Variants in CCNQ observed in about 807,000 individuals in gnomAD.
The protein encoded by CCNQ is cyclin-Q.
CCNQ carries 3 observed loss-of-function variants against 17.7 expected under a neutral mutation model. The observed-to-expected ratio is 0.17, with a 90% confidence interval of 0.08 to 0.44. The LOEUF (loss-of-function observed/expected upper bound fraction) is 0.44, where lower values mean the gene tolerates loss of function less well. CCNQ is among the 20% of genes least tolerant of loss of function. The pLI, the probability that CCNQ is intolerant of heterozygous loss-of-function variation, is 0.99. For missense variants in CCNQ, 146 were observed against 222.6 expected, an observed-to-expected ratio of 0.66 and a Z score of 2.19; for synonymous variants, 73 against 96.0, an observed-to-expected ratio of 0.76 and a Z score of 1.40.
intron 4 of CCNQ, among the ~76,000 whole-genome samples, 171 bp downstream of exon 4, chrX:153,592,335 G>A (rs1358211611): frequency 1.8e-5 from 2 of 113,476 alleles, no homozygotes; most frequent in African/African-American, 3.2e-5. Flanking sequence ...CAACTGTGCC[G>A]AGGGGGAGAG....
chrX:153,598,575 A>G (rs1253036446), intron 1 of CCNQ, among the ~76,000 whole-genome samples: 1 of 113,376 alleles, frequency 8.8e-6, no homozygotes, highest in African/African-American at 3.2e-5. Context: ...CCCCGGAGTG[A>G]CAGGAACCCT....
chrX:153,593,876 A>G (rs935659026), intron 3 of CCNQ, among the ~76,000 whole-genome samples: 2 of 111,895 alleles, frequency 1.8e-5, no homozygotes, highest in Admixed American at 9.4e-5. Flanking sequence ...TCTCAGGAAG[A>G]GTTCCGATGA....
chrX:153,599,086 C>G lies in CCNQ; in HGVS notation c.-13G>C. On this transcript the variant is annotated 5_prime_UTR_variant, in exon 1 of 5. Coordinates refer to ENST00000576892, the MANE Select transcript of CCNQ (RefSeq NM_152274.5). ...CCGGGGCTTCCATGAGGCGCCGCGG[C>G]ACCGGCGGAAGGAGAGGCGGCCCCG... 3 of 959,728 alleles carry G rather than the reference C, an allele frequency of 3.1e-6. No individual in the cohort carries two copies. The highest frequency in any genetic ancestry group is 4.0e-6 in the Non-Finnish European group (3 of 750,390). 79.1% of individuals were successfully genotyped at this position (959,728 alleles called of 1,213,427 possible).
chrX:153,589,530 A>C (rs1295592729), intron 4 of CCNQ, among the ~76,000 whole-genome samples: 1 of 112,851 alleles, frequency 8.9e-6, no homozygotes, highest in Non-Finnish European at 1.9e-5. Flanking sequence ...CCGGCACAGC[A>C]CTGAGCCCCA....
chrX:153,591,761 G>T (rs191562630), intron 4 of CCNQ, among the ~76,000 whole-genome samples: 8 of 110,572 alleles, frequency 7.2e-5, no homozygotes, highest in Non-Finnish European at 1.5e-4. Context: ...GAACATGGGT[G>T]CATGGGTTCA....
chrX:153,596,370 C>T (rs2091028650), intron 1 of CCNQ, among the ~76,000 whole-genome samples, 183 bp from the exon 2 acceptor site: 1 of 111,681 alleles, frequency 9.0e-6, no homozygotes, highest in Non-Finnish European at 1.9e-5. Flanking sequence ...AGTGGGTGAC[C>T]CAAGCCCCTG....
At chrX:153,595,278 C>T (rs974914480) in intron 2 of CCNQ, among the ~76,000 whole-genome samples, 15 of 111,634 alleles carry the variant, frequency 1.3e-4, no homozygotes, top group South Asian at 3.8e-4. Context: ...CCACCACGCC[C>T]GGCTAATTTT....
intron 1 of CCNQ, 70 bp downstream of exon 1, chrX:153,598,891 TG>T: frequency 1.2e-6 from 1 of 821,033 alleles, no homozygotes; most frequent in Non-Finnish European, 1.6e-6. Flanking sequence ...AAGGCCGGCC[TG>T]GCCAGCCGGG....
intron 3 of CCNQ, among the ~76,000 whole-genome samples, chrX:153,593,090 G>A (rs1040592584): frequency 2.8e-4 from 31 of 112,361 alleles, no homozygotes; most frequent in African/African-American, 8.4e-4. Flanking sequence ...CTGGTGCTCC[G>A]GAAAGCACCC....
At chrX:153,597,591 C>G (rs2091036830) in intron 1 of CCNQ, 1 of 112,031 alleles carries the variant, frequency 8.9e-6, no homozygotes, top group African/African-American at 3.2e-5. Context: ...CTAGGATGAT[C>G]TCCCATCTTA....
Position 153,588,344 on chromosome X carries a change from G to A in CCNQ, c.*21C>T, listed in dbSNP as rs1409861394. ...AGCCGACCATCCTGGGCTTCTCTTT[G>A]GGCAGGCCTGGGCCAGGACCTTAGG... On this transcript the variant is annotated 3_prime_UTR_variant, in exon 5 of 5. Coordinates refer to ENST00000576892, the MANE Select transcript of CCNQ (RefSeq NM_152274.5). 8.5e-7 allele frequency: 1 copy of A among 1,175,679 alleles called. No homozygotes were observed. Among genetic ancestry groups the A allele is most frequent in the Admixed American group, 2.2e-5 (1 of 45,999 alleles).
chrX:153,593,978 G>A (rs1307878970), intron 3 of CCNQ, among the ~76,000 whole-genome samples: 1 of 113,143 alleles, frequency 8.8e-6, no homozygotes, highest in South Asian at 3.6e-4. Flanking sequence ...GCATGGAGCT[G>A]CGGTGCCCAG....
intron 3 of CCNQ, among the ~76,000 whole-genome samples, chrX:153,593,141 T>C (rs1228632930): frequency 9.8e-5 from 11 of 112,811 alleles, no homozygotes; most frequent in African/African-American, 3.2e-4. Context: ...CCCATGCATC[T>C]GGCCTGCTGC....
rs906665848 is a variant in CCNQ at position 153,588,100 on chromosome X, G to A, written c.*265C>T. ...GTCAAAGTCCTCTCAAAGGACAAAC[G>A]CAGATGTGGCTGCCTTGGGTCAGCT... On this transcript the variant is annotated 3_prime_UTR_variant, in exon 5 of 5. Coordinates refer to ENST00000576892, the MANE Select transcript of CCNQ (RefSeq NM_152274.5). The A allele has an allele frequency of 8.4e-6, 4 of 474,392 alleles. No homozygotes were observed. Among genetic ancestry groups the A allele is most frequent in the African/African-American group, 4.7e-5 (2 of 42,164 alleles). The allele number at this position is 474,392 out of a possible 1,213,427, so 39.1% of individuals were successfully genotyped here.
rs782006693 is a variant in CCNQ, at chrX:153,588,166, T to C, written c.*199A>G. On this transcript the variant is annotated 3_prime_UTR_variant, in exon 5 of 5. Transcript: ENST00000576892. ...CCGGCCTGCCCGCTGGAGGCGCGGCTCCCACCATCACCTGCACCGCGACTT... is the reference window on the plus strand; with the variant it reads ...CCGGCCTGCCCGCTGGAGGCGCGGCCCCCACCATCACCTGCACCGCGACTT... 11 of 521,929 alleles carry C rather than the reference T, an allele frequency of 2.1e-5. No homozygotes were observed. Among genetic ancestry groups the C allele is most frequent in the Non-Finnish European group, 3.5e-5 (10 of 285,599 alleles). 43.0% of individuals were successfully genotyped at this position (521,929 alleles called of 1,213,427 possible).
chrX:153,596,076 G>C lies in CCNQ; in HGVS notation c.224C>G (p.Ser75Cys). ...DAYDPYLIAM[S>C]SIYLAGKVEE... The stretch of plus-strand genomic sequence containing the variant: ...CACTTTGCCGGCCAAGTAAATTGAA[G>C]ACATGGCAATCAGGTAAGGGTCATA... Residue 75 changes from serine to cysteine, a missense_variant, in exon 2 of 5, where the codon TCT (serine) becomes TGT (cysteine). Coordinates refer to ENST00000576892, the MANE Select transcript of CCNQ (RefSeq NM_152274.5). The C allele has an allele frequency of 8.2e-7, 1 of 1,212,289 alleles. No individual in the cohort carries two copies. Among genetic ancestry groups the C allele is most frequent in the Non-Finnish European group, 1.1e-6 (1 of 895,592 alleles).
At chrX:153,591,037 G>A (rs1285487353) in intron 4 of CCNQ, among the ~76,000 whole-genome samples, 1 of 112,135 alleles carries the variant, frequency 8.9e-6, no homozygotes, top group African/African-American at 3.2e-5. Context: ...CTGCCATGCT[G>A]AGCCCGTGGC....
chrX:153,589,207 GC>G (rs2090974248), intron 4 of CCNQ, among the ~76,000 whole-genome samples: 1 of 113,035 alleles, frequency 8.8e-6, no homozygotes, highest in Non-Finnish European at 1.9e-5. Flanking sequence ...GGTGGCTGCA[GC>G]CCAAGTGACC....
chrX:153,594,935 G>A lies in CCNQ; in HGVS notation c.297-256C>T, dbSNP rs146658835. 5.0e-3 allele frequency among the ~76,000 whole-genome samples: 567 copies of A among 112,329 alleles called. 2 individuals carry two copies. The highest frequency in any genetic ancestry group is 0.017 in the African/African-American group (539 of 30,935). On this transcript the variant is annotated intron_variant, in intron 2 of 4. Transcript: ENST00000576892. ...CAGATGGGCTGTCCGCTATCATTCAGCAAAATGTCAAGTGCAAAGACTGGC... is the reference window on the plus strand; with the variant it reads ...CAGATGGGCTGTCCGCTATCATTCAACAAAATGTCAAGTGCAAAGACTGGC...
Sources: allele counts gnomAD v4.1 joint callset (sites outside exome capture counted in the v4.1 genomes callset), GRCh38; gene constraint gnomAD v4.1.1; transcripts MANE v1.5; gene names NCBI Gene and HGNC (gene_info 2026-07-23, HGNC 2026-07-21).